Variants in LRRC7 observed in about 807,000 individuals in gnomAD.
LRRC7 encodes leucine-rich repeat-containing protein 7.
In LRRC7, 23 loss-of-function variants were observed where a neutral mutation model predicts 175.7. That is an observed-to-expected ratio of 0.13 (90% CI 0.09 to 0.19). LRRC7 has a LOEUF of 0.19. Among genes scored for constraint, LRRC7 ranks in the 10% least tolerant of loss-of-function variants. The pLI is 1.00. For synonymous variants in LRRC7, 685 were observed against 680.9 expected, an observed-to-expected ratio of 1.01 and a Z score of -0.09; for missense variants, 1,354 against 1,904.7, an observed-to-expected ratio of 0.71 and a Z score of 5.38.
chr1:70,118,342 C>CA (rs201164918), intron 26 of LRRC7, among the ~76,000 whole-genome samples: 11,098 of 140,528 alleles, frequency 0.079, 500 homozygotes, highest in South Asian at 0.19. Flanking sequence ...TCCTTCCACT[C>CA]AAAAAAAAAA....
chr1:69,952,291 A>G (rs942471168), intron 8 of LRRC7, among the ~76,000 whole-genome samples: 3 of 152,092 alleles, frequency 2.0e-5, no homozygotes, highest in Non-Finnish European at 2.9e-5. Flanking sequence ...ATTGTCAAAC[A>G]TATGATATGT....
intron 1 of LRRC7, among the ~76,000 whole-genome samples, chr1:69,577,275 C>T (rs1645993020): frequency 6.6e-6 from 1 of 152,128 alleles, no homozygotes; most frequent in Non-Finnish European, 1.5e-5. Flanking sequence ...ATCTCCTTCC[C>T]CCTCTTCCCT....
At chr1:70,073,791 T>A (rs1662568798) in intron 23 of LRRC7, among the ~76,000 whole-genome samples, 2 of 152,236 alleles carry the variant, frequency 1.3e-5, no homozygotes, top group Non-Finnish European at 2.9e-5. Flanking sequence ...ATCAATTGAT[T>A]TGTCAGTAGC....
intron 1 of LRRC7, among the ~76,000 whole-genome samples, chr1:69,664,012 C>T (rs1015351532): frequency 3.9e-5 from 6 of 152,110 alleles, no homozygotes; most frequent in Admixed American, 1.3e-4. Flanking sequence ...TGAGCCACCG[C>T]GCCCGGCCTC....
At chr1:69,922,878 G>A (rs191346053) in intron 7 of LRRC7, among the ~76,000 whole-genome samples, 2 of 151,958 alleles carry the variant, frequency 1.3e-5, no homozygotes, top group East Asian at 3.9e-4. Flanking sequence ...AGTTACGTAT[G>A]TATACATACG....
chr1:69,576,068 CTTTTT>C (rs61312952), intron 1 of LRRC7, among the ~76,000 whole-genome samples: 1 of 145,994 alleles, frequency 6.8e-6, no homozygotes, highest in Non-Finnish European at 1.5e-5. Context: ...GTTGTATCTA[CTTTTT>C]TTTTTTTAAG....
At chr1:69,997,245 A>G (rs1378116445) in intron 11 of LRRC7, among the ~76,000 whole-genome samples, 1 of 152,136 alleles carries the variant, frequency 6.6e-6, no homozygotes, top group Admixed American at 6.5e-5. Context: ...TTGTACATTG[A>G]TTTTGTATCC....
chr1:69,907,795 T>C (rs1410943164), intron 7 of LRRC7, among the ~76,000 whole-genome samples: 1 of 152,144 alleles, frequency 6.6e-6, no homozygotes, highest in African/African-American at 2.4e-5. Flanking sequence ...TAGGGAGGAT[T>C]CCCTCTTTTT....
chr1:69,773,606 C>A (rs947872509), intron 3 of LRRC7, among the ~76,000 whole-genome samples: 1 of 152,094 alleles, frequency 6.6e-6, no homozygotes, highest in Non-Finnish European at 1.5e-5. Context: ...AAACAGATAT[C>A]AAAGGCAAGT....
intron 24 of LRRC7, among the ~76,000 whole-genome samples, chr1:70,077,623 G>A (rs17131182): frequency 3.3e-5 from 5 of 151,860 alleles, no homozygotes; most frequent in Non-Finnish European, 5.9e-5. Context: ...TAATGCTATC[G>A]GTTTTCGCCT....
At chr1:69,986,741 T>G (rs2101898521) in intron 10 of LRRC7, among the ~76,000 whole-genome samples, 1 of 152,330 alleles carries the variant, frequency 6.6e-6, no homozygotes, top group East Asian at 1.9e-4. Context: ...TTACAATAGC[T>G]TCCATCCATA....
At chr1:69,704,918 A>G (rs56209157) in intron 2 of LRRC7, among the ~76,000 whole-genome samples, 1,975 of 152,248 alleles carry the variant, frequency 0.013, 26 homozygotes, top group Non-Finnish European at 0.018. Flanking sequence ...TCAAAATTCA[A>G]TAATTTATTT....
intron 4 of LRRC7, among the ~76,000 whole-genome samples, chr1:69,819,587 G>C (rs1160380371): frequency 0.014 from 1,946 of 140,584 alleles, 27 homozygotes; most frequent in African/African-American, 0.055. Context: ...CTGTGTGTGT[G>C]TGTGTGTGTG....
Position 70,039,209 on chromosome 1 carries a change from C to A in LRRC7, c.3385C>A (p.Pro1129Thr). ...PMEQMFSFSQ[P>T]SVNEDAVVNA... ...GGAGCAAATGTTTTCATTTTCTCAG[C>A]CATCTGTGAATGAGGATGCTGTGGT... is the stretch of plus-strand genomic sequence containing the variant. The change falls in exon 21 of 27, where the codon CCA (proline) becomes ACA (threonine). Residue 1129 changes from proline (P) to threonine (T), a missense_variant. Transcript: ENST00000651989. 2 of 1,614,082 alleles carry A rather than the reference C, an allele frequency of 1.2e-6. No individual in the cohort carries two copies. The highest frequency in any genetic ancestry group is 1.1e-5 in the South Asian group (1 of 91,082).
At chr1:70,073,368 A>C (rs1465540748) in intron 23 of LRRC7, among the ~76,000 whole-genome samples, 2 of 152,056 alleles carry the variant, frequency 1.3e-5, no homozygotes, top group Admixed American at 6.5e-5. Context: ...TCTGAAGGCT[A>C]TTACACCGGG....
rs1431741162 is a variant in LRRC7 at position 70,137,412 on chromosome 1, G to T, written c.*15525G>T. Among the ~76,000 whole-genome samples, 16 of 152,180 alleles carry T rather than the reference G, an allele frequency of 1.1e-4. No individual in the cohort carries two copies. Among genetic ancestry groups the T allele is most frequent in the African/African-American group, 3.9e-4 (16 of 41,430 alleles). ...GAGAAGTTAACCTTTAGTGACCCTTGAAAGCTTTAAAATAATTCTTTTGTG... is the reference window on the plus strand; with the variant it reads ...GAGAAGTTAACCTTTAGTGACCCTTTAAAGCTTTAAAATAATTCTTTTGTG... On this transcript the variant is annotated 3_prime_UTR_variant, in exon 27 of 27. Transcript: ENST00000651989.
At chr1:69,715,627 A>G (rs1408959312) in intron 2 of LRRC7, among the ~76,000 whole-genome samples, 1 of 152,004 alleles carries the variant, frequency 6.6e-6, no homozygotes, top group Non-Finnish European at 1.5e-5. Flanking sequence ...CAAAGCATTT[A>G]GTTTTGTTTT....
intron 1 of LRRC7, among the ~76,000 whole-genome samples, chr1:69,571,182 T>C (rs1426328168): frequency 6.6e-6 from 1 of 152,244 alleles, no homozygotes; most frequent in Non-Finnish European, 1.5e-5. Context: ...GTACTTACCA[T>C]GGCCAACACA....
At chr1:69,675,301 C>A (rs1490416720) in intron 1 of LRRC7, among the ~76,000 whole-genome samples, 1 of 152,106 alleles carries the variant, frequency 6.6e-6, no homozygotes, top group Non-Finnish European at 1.5e-5. Context: ...TTTGAAAGTA[C>A]TTTCTAATCT....
Sources: allele counts gnomAD v4.1 joint callset (sites outside exome capture counted in the v4.1 genomes callset), GRCh38; gene constraint gnomAD v4.1.1; transcripts MANE v1.5; gene names NCBI Gene and HGNC (gene_info 2026-07-23, HGNC 2026-07-21).